The following ZNF714 variants were observed in gnomAD, a reference collection of about 807,000 sequenced individuals.
ZNF714 encodes zinc finger protein 714.
Under a neutral mutation model 46.2 loss-of-function variants are expected in ZNF714, and 32 were observed. That is an observed-to-expected ratio of 0.69 (90% CI 0.52 to 0.93). The LOEUF is 0.93. Among genes scored for constraint, ZNF714 ranks in the 40% least tolerant of loss-of-function variants. The probability of loss-of-function intolerance (pLI) is 0.00; values close to 1 mark genes in which losing one functional copy is unlikely to be tolerated. For synonymous variants in ZNF714, 199 were observed against 213.1 expected, an observed-to-expected ratio of 0.93 and a Z score of 0.58; for missense variants, 635 against 646.3, an observed-to-expected ratio of 0.98 and a Z score of 0.19.
At chr19:21,105,576 T>C (rs943137158) in intron 4 of ZNF714, among the ~76,000 whole-genome samples, 10 of 152,198 alleles carry the variant, frequency 6.6e-5, no homozygotes, top group Admixed American at 4.6e-4. Flanking sequence ...CCAAGACCCA[T>C]GTCAAGTTTT....
intron 2 of ZNF714, among the ~76,000 whole-genome samples, chr19:21,097,159 C>T (rs1027718277): frequency 6.6e-6 from 1 of 152,142 alleles, no homozygotes; most frequent in Non-Finnish European, 1.5e-5. Flanking sequence ...AGCCACCACG[C>T]CCGGCCTGTT....
At chr19:21,112,663 A>G (rs1407726589) in intron 4 of ZNF714, among the ~76,000 whole-genome samples, 3 of 149,426 alleles carry the variant, frequency 2.0e-5, no homozygotes, top group African/African-American at 7.4e-5. Flanking sequence ...TTTAGTTGTG[A>G]TGTTAGGGTG....
intron 1 of ZNF714, among the ~76,000 whole-genome samples, chr19:21,083,279 C>T: frequency 6.6e-6 from 1 of 152,194 alleles, no homozygotes; most frequent in Non-Finnish European, 1.5e-5. Context: ...AGGTGATCTG[C>T]CCTCCACGGC....
intron 4 of ZNF714, among the ~76,000 whole-genome samples, chr19:21,099,592 T>A (rs1969125544): frequency 6.6e-6 from 1 of 152,056 alleles, no homozygotes; most frequent in Non-Finnish European, 1.5e-5. Context: ...TTCTGCATAG[T>A]CCATCCTGTT....
chr19:21,099,239 C>T (rs1442860956), intron 4 of ZNF714, among the ~76,000 whole-genome samples: 2 of 151,958 alleles, frequency 1.3e-5, no homozygotes, highest in Non-Finnish European at 2.9e-5. Flanking sequence ...ATTGCAGTAG[C>T]GTGATCTCAA....
intron 4 of ZNF714, among the ~76,000 whole-genome samples, chr19:21,109,877 A>C (rs1293596051): frequency 1.3e-5 from 2 of 152,148 alleles, no homozygotes. Flanking sequence ...AGTTTGCTGA[A>C]AATAATGGCT....
Position 21,116,756 on chromosome 19 carries a change from G to A in ZNF714, c.143-51G>A, listed in dbSNP as rs144063031. 7.5e-4 allele frequency: 1,144 copies of A among 1,524,998 alleles called. 11 individuals are homozygous for A. The African/African-American group carries it at 0.014, about 19-fold the overall frequency. The allele number at this position is 1,524,998 out of a possible 1,614,324, so 94.5% of individuals were successfully genotyped here. On this transcript the variant is annotated intron_variant, in intron 4 of 4. Transcript: ENST00000456283. Reference sequence around the variant, plus strand: ...AATATAGGTTAGATTTGTAAAGTATGTTTATCAGAGTCTAGTAAGTTGAAT... The same window carrying A: ...AATATAGGTTAGATTTGTAAAGTATATTTATCAGAGTCTAGTAAGTTGAAT...
At chr19:21,092,969 G>A (rs1199697070) in intron 2 of ZNF714, among the ~76,000 whole-genome samples, 3 of 140,584 alleles carry the variant, frequency 2.1e-5, no homozygotes, top group African/African-American at 5.1e-5. Context: ...GAGTGCAGTG[G>A]TGCGATCTCG....
intron 4 of ZNF714, among the ~76,000 whole-genome samples, chr19:21,113,433 T>C (rs1325996664): frequency 5.9e-5 from 9 of 152,100 alleles, no homozygotes; most frequent in African/African-American, 2.2e-4. Context: ...TGGCATGTTA[T>C]GATTTCAGTT....
chr19:21,124,420 T>C lies in ZNF714; in HGVS notation c.*6088T>C, dbSNP rs1969760316. Among the ~76,000 whole-genome samples the C allele has an allele frequency of 6.6e-6, 1 of 152,226 alleles. No homozygotes were observed. Among genetic ancestry groups the C allele is most frequent in the South Asian group, 2.1e-4 (1 of 4,830 alleles). ...AAATGACAATAGTCCCCAAACTATG[T>C]ATTTTCATACTATTTAGCCAAAGTA... On this transcript the variant is annotated 3_prime_UTR_variant, in exon 5 of 5. Coordinates refer to ENST00000456283, the MANE Select transcript of ZNF714 (RefSeq NM_182515.4).
intron 4 of ZNF714, among the ~76,000 whole-genome samples, chr19:21,099,912 G>C (rs570497546): frequency 4.7e-4 from 72 of 152,290 alleles, no homozygotes; most frequent in African/African-American, 1.6e-3. Flanking sequence ...CTGGAGTGCA[G>C]TGGTGCAATC....
intron 2 of ZNF714, among the ~76,000 whole-genome samples, chr19:21,089,876 T>C (rs113578184): frequency 0.17 from 23,863 of 143,606 alleles, 4,679 homozygotes; most frequent in African/African-American, 0.31. Flanking sequence ...ATAGAGAGGC[T>C]AGAATTCTGG....
intron 4 of ZNF714, 35 bp downstream of exon 4, chr19:21,098,945 G>T: frequency 4.5e-6 from 5 of 1,101,088 alleles, no homozygotes; most frequent in Non-Finnish European, 6.6e-6. Context: ...TGACACAGAT[G>T]AGAGGTACAA....
At chr19:21,102,739 G>T (rs1969212188) in intron 4 of ZNF714, among the ~76,000 whole-genome samples, 1 of 152,008 alleles carries the variant, frequency 6.6e-6, no homozygotes, top group African/African-American at 2.4e-5. Flanking sequence ...TAGTTATCCA[G>T]ACAATTCTTT....
chr19:21,117,811 A>G lies in ZNF714; in HGVS notation c.1147A>G (p.Lys383Glu). 6.2e-7 allele frequency: 1 copy of G among 1,612,180 alleles called. No individual in the cohort carries two copies. The highest frequency in any genetic ancestry group is 1.7e-4 in the Middle Eastern group (1 of 6,058). The change falls in exon 5 of 5, where the codon AAA (lysine) becomes GAA (glutamate). Residue 383 changes from lysine (K) to glutamate (E), a missense_variant. Lys to Glu is a moderately conservative substitution (Grantham distance 56, BLOSUM62 1). Transcript: ENST00000456283. ...ECGKAFNHSS[K>E]LTIHKIIHTG... Reference sequence around the variant, plus strand: ...TGGCAAAGCCTTTAACCACTCCTCAAAACTTACTATACATAAGATAATTCA... The same window carrying G: ...TGGCAAAGCCTTTAACCACTCCTCAGAACTTACTATACATAAGATAATTCA...
chr19:21,112,939 C>T (rs554619337), intron 4 of ZNF714, among the ~76,000 whole-genome samples: 10 of 148,150 alleles, frequency 6.7e-5, no homozygotes, highest in East Asian at 2.1e-4. Context: ...TCTCCTGCCT[C>T]AGCCTCCCAA....
At position 21,118,890 on chromosome 19, in the gene ZNF714, G is replaced by A. The variant is rs981047386; in HGVS notation, c.*558G>A. The A allele has an allele frequency of 7.1e-5, 16 of 226,720 alleles. No individual in the cohort carries two copies. Among genetic ancestry groups the A allele is most frequent in the African/African-American group, 3.6e-4 (15 of 41,884 alleles). The allele number at this position is 226,720 out of a possible 1,614,324, so 14.0% of individuals were successfully genotyped here. A position where few individuals can be genotyped will look rare whatever the true frequency, so the allele number is the denominator to read the frequency against. On this transcript the variant is annotated 3_prime_UTR_variant, in exon 5 of 5. Transcript: ENST00000456283. Reference sequence around the variant, plus strand: ...GGTTGTCACACTTGATTGTAGGTAAGATAATTCATACTGGAGAAAACACCT... The same window carrying A: ...GGTTGTCACACTTGATTGTAGGTAAAATAATTCATACTGGAGAAAACACCT...
At chr19:21,094,544 T>C (rs1968993134) in intron 2 of ZNF714, among the ~76,000 whole-genome samples, 1 of 152,136 alleles carries the variant, frequency 6.6e-6, no homozygotes, top group African/African-American at 2.4e-5. Flanking sequence ...GACTTTGGTT[T>C]TTGAGACAGT....
chr19:21,096,474 GT>G (rs1274751094), intron 2 of ZNF714, among the ~76,000 whole-genome samples: 1 of 152,156 alleles, frequency 6.6e-6, no homozygotes, highest in Non-Finnish European at 1.5e-5. Flanking sequence ...AGTGCCATGA[GT>G]TTAGTACTTG....
Sources: allele counts gnomAD v4.1 joint callset (sites outside exome capture counted in the v4.1 genomes callset), GRCh38; gene constraint gnomAD v4.1.1; transcripts MANE v1.5; gene names NCBI Gene and HGNC (gene_info 2026-07-23, HGNC 2026-07-21).